FXR2: variants seen among roughly 807,000 people sequenced by gnomAD.
FXR2 encodes FMR1 autosomal homolog 2.
FXR2 carries 9 observed loss-of-function variants against 87.3 expected under a neutral mutation model. The observed-to-expected ratio is 0.10, with a 90% CI of 0.06 to 0.18. The LOEUF (loss-of-function observed/expected upper bound fraction) is 0.18. Among genes scored for constraint, FXR2 ranks in the 10% least tolerant of loss-of-function variants. FXR2 has a pLI of 1.00. For synonymous variants in FXR2, 331 were observed against 328.3 expected, an observed-to-expected ratio of 1.01 and a Z score of -0.09; for missense variants, 661 against 893.6, an observed-to-expected ratio of 0.74 and a Z score of 3.32.
chr17:7,614,253 G>C, intron 1 of FXR2, 199 bp downstream of exon 1: 2 of 685,254 alleles, frequency 2.9e-6, no homozygotes, highest in South Asian at 1.5e-5. Context: ...GCAGGTGCAG[G>C]TGCCTTAGAG....
chr17:7,593,787 C>G lies in FXR2; in HGVS notation c.1107+131G>C. On this transcript the variant is annotated intron_variant, in intron 11 of 16. Transcript: ENST00000250113. This position sits in a 1 kb window ranked among gnomAD's most constrained non-coding sequence, Gnocchi z 6.1. ...AAAATTCTGGGACCCAACCCTATAGCCCCAAATTTCCACAGATGTTTTCTG... is the reference window on the plus strand; with the variant it reads ...AAAATTCTGGGACCCAACCCTATAGGCCCAAATTTCCACAGATGTTTTCTG... 1 of 800,552 alleles carries G rather than the reference C, an allele frequency of 1.2e-6. No homozygotes were observed. The highest frequency in any genetic ancestry group is 2.1e-6 in the Non-Finnish European group (1 of 483,746). 49.6% of individuals were successfully genotyped at this position (800,552 alleles called of 1,614,324 possible). A position where few individuals can be genotyped will look rare whatever the true frequency, so the allele number is the denominator to read the frequency against.
At position 7,614,509 on chromosome 17, in the gene FXR2, C is replaced by G; in HGVS notation, c.24G>C (p.Gly8=). 6.6e-7 allele frequency: 1 copy of G among 1,525,066 alleles called. No homozygotes were observed. Among genetic ancestry groups the G allele is most frequent in the South Asian group, 1.2e-5 (1 of 81,466 alleles). 94.5% of individuals were successfully genotyped at this position (1,525,066 alleles called of 1,614,324 possible). A position where few individuals can be genotyped will look rare whatever the true frequency, so the allele number is the denominator to read the frequency against. The change falls in exon 1 of 17, where the codon GGG becomes GGC. Residue 8 remains glycine (G), a synonymous_variant. Transcript: ENST00000250113. MGGLASG[G]DVEPGLPVEV... is the part of the protein sequence containing the mutation. ...CGACGGGCAGTCCCGGCTCCACATC[C>G]CCCCCAGAGGCCAGGCCGCCCATGG...
Position 7,603,921 on chromosome 17 carries a change from A to G in FXR2, c.301-16T>C, listed in dbSNP as rs2071780642. On this transcript the variant is annotated splice_polypyrimidine_tract_variant and intron_variant, in intron 4 of 16. Coordinates refer to ENST00000250113, the MANE Select transcript of FXR2 (RefSeq NM_004860.4). The stretch of plus-strand genomic sequence containing the variant: ...TGACATAGAACTGGCACATGGTAAA[A>G]AAGGAGAAGTTGTGGATGACCTGAG... The G allele has an allele frequency of 6.2e-7, 1 of 1,613,802 alleles. No homozygotes were observed. Among genetic ancestry groups the G allele is most frequent in the Non-Finnish European group, 8.5e-7 (1 of 1,179,784 alleles).
At position 7,595,553 on chromosome 17, in the gene FXR2, A is replaced by G. The variant is rs559815293; in HGVS notation, c.831+271T>C. ...CCAGGCTCAAGTGATCCTCCCCTCTATCTTCCCATTTCAGCCTCCCAAGTA... is the reference window on the plus strand; with the variant it reads ...CCAGGCTCAAGTGATCCTCCCCTCTGTCTTCCCATTTCAGCCTCCCAAGTA... On this transcript the variant is annotated intron_variant, in intron 8 of 16. Coordinates refer to ENST00000250113, the MANE Select transcript of FXR2 (RefSeq NM_004860.4). The surrounding 1 kb of genome is among the most constrained non-coding windows in gnomAD (Gnocchi z 4.7). Among the ~76,000 whole-genome samples the G allele has an allele frequency of 6.6e-6, 1 of 151,848 alleles. No individual in the cohort carries two copies. The highest frequency in any genetic ancestry group is 2.1e-4 in the South Asian group (1 of 4,816).
intron 1 of FXR2, among the ~76,000 whole-genome samples, chr17:7,609,665 T>C (rs917382152): frequency 2.6e-5 from 4 of 152,144 alleles, no homozygotes; most frequent in African/African-American, 9.6e-5. Context: ...TTACTTCTAC[T>C]TGCCTGGGTC....
At chr17:7,609,009 T>A (rs1016237364) in intron 1 of FXR2, among the ~76,000 whole-genome samples, 2 of 152,164 alleles carry the variant, frequency 1.3e-5, no homozygotes, top group African/African-American at 4.8e-5. Flanking sequence ...TTTAGGAGGC[T>A]AAGGTGGGAG....
Position 7,594,118 on chromosome 17 carries a change from C to G in FXR2, c.1021-114G>C. The stretch of plus-strand genomic sequence containing the variant: ...AGTGGGATCATTCTGGGCTCTAAAT[C>G]TACTAGTGTTAAACAACTTTCCGTA... On this transcript the variant is annotated intron_variant, in intron 10 of 16. Coordinates refer to ENST00000250113, the MANE Select transcript of FXR2 (RefSeq NM_004860.4). The surrounding 1 kb of genome is among the most constrained non-coding windows in gnomAD (Gnocchi z 5.1). 1.1e-6 allele frequency: 1 copy of G among 897,190 alleles called. No homozygotes were observed. The highest frequency in any genetic ancestry group is 2.1e-4 in the Middle Eastern group (1 of 4,674). The allele number at this position is 897,190 out of a possible 1,614,324, so 55.6% of individuals were successfully genotyped here.
At position 7,594,080 on chromosome 17, in the gene FXR2, G is replaced by T; in HGVS notation, c.1021-76C>A. On this transcript the variant is annotated intron_variant, in intron 10 of 16. Transcript: ENST00000250113. This position sits in a 1 kb window ranked among gnomAD's most constrained non-coding sequence, Gnocchi z 5.1. The stretch of plus-strand genomic sequence containing the variant: ...AGGATTAACGCCGCCCAGTCTCCTA[G>T]GGGAGCCTGCCCAGTGGGATCATTC... 9.5e-7 allele frequency: 1 copy of T among 1,048,898 alleles called. No homozygotes were observed. The highest frequency in any genetic ancestry group is 1.3e-5 in the South Asian group (1 of 78,946). The allele number at this position is 1,048,898 out of a possible 1,614,324, so 65.0% of individuals were successfully genotyped here. A position where few individuals can be genotyped will look rare whatever the true frequency, so the allele number is the denominator to read the frequency against.
rs544856177 is a variant in FXR2 at position 7,604,875 on chromosome 17, C to T, written c.228+770G>A. 1.7e-3 allele frequency among the ~76,000 whole-genome samples: 257 copies of T among 151,598 alleles called. 2 individuals are homozygous for T. Among genetic ancestry groups the T allele is most frequent in the African/African-American group, 5.6e-3 (233 of 41,428 alleles). On this transcript the variant is annotated intron_variant, in intron 3 of 16. Coordinates refer to ENST00000250113, the MANE Select transcript of FXR2 (RefSeq NM_004860.4). ...TAGCTGGGATTATAGGCGCCCGCCA[C>T]CACGCCCAGCTAATTTTTTGTATTT...
Position 7,598,014 on chromosome 17 carries a change from G to A in FXR2, c.661-2020C>T, listed in dbSNP as rs573324212. On this transcript the variant is annotated intron_variant, in intron 7 of 16. Transcript: ENST00000250113. ...CCTGTCAGTCCTACTGGTTTTACTCGTAAAATTTATCCTACATAAAACTAC... is the reference window on the plus strand; with the variant it reads ...CCTGTCAGTCCTACTGGTTTTACTCATAAAATTTATCCTACATAAAACTAC... Among the ~76,000 whole-genome samples the A allele has an allele frequency of 2.6e-3, 395 of 151,064 alleles. 3 individuals are homozygous for A. Among genetic ancestry groups the A allele is most frequent in the African/African-American group, 8.9e-3 (367 of 41,070 alleles).
intron 3 of FXR2, among the ~76,000 whole-genome samples, chr17:7,604,902 T>G (rs2150945602): frequency 6.6e-6 from 1 of 151,614 alleles, no homozygotes; most frequent in South Asian, 2.1e-4. Flanking sequence ...TTTGTATTTT[T>G]AGTAGAGATG....
At chr17:7,599,135 C>CA (rs35150877) in intron 7 of FXR2, among the ~76,000 whole-genome samples, 80 of 131,764 alleles carry the variant, frequency 6.1e-4, no homozygotes, top group South Asian at 1.2e-3. Context: ...AAACTGTCTC[C>CA]AAAAAAAAAA....
At chr17:7,609,690 GGTTCTTCCCTTAGCTCCTGCTCAAGT>G (rs1179409279) in intron 1 of FXR2, among the ~76,000 whole-genome samples, 1 of 151,346 alleles carries the variant, frequency 6.6e-6, no homozygotes, top group Non-Finnish European at 1.5e-5. Context: ...TTCCCTTTTG[GGTTCTTCCCTTAGCTCCTGCTCAAGT>G]GTCCTCCCCA....
In FXR2 at chr17:7,593,372, TC is replaced by T; in HGVS notation, c.1330+30del. On this transcript the variant is annotated intron_variant, in intron 12 of 16. Coordinates refer to ENST00000250113, the MANE Select transcript of FXR2 (RefSeq NM_004860.4). The surrounding 1 kb of genome is among the most constrained non-coding windows in gnomAD (Gnocchi z 6.1). Reference sequence around the variant, plus strand: ...TGCCTCTACCCACAAGCCCTGCCACTCCTTGCCTCCTGTTCCCATAACTGTC... The same window carrying T: ...TGCCTCTACCCACAAGCCCTGCCACTCTTGCCTCCTGTTCCCATAACTGTC... 5.3e-6 allele frequency: 8 copies of T among 1,499,648 alleles called. No homozygotes were observed. The highest frequency in any genetic ancestry group is 7.3e-6 in the Non-Finnish European group (8 of 1,100,600). The allele number at this position is 1,499,648 out of a possible 1,614,324, so 92.9% of individuals were successfully genotyped here.
At chr17:7,600,799 G>A (rs1388392005) in intron 7 of FXR2, among the ~76,000 whole-genome samples, 1 of 151,790 alleles carries the variant, frequency 6.6e-6, no homozygotes, top group Admixed American at 6.6e-5. Context: ...CGGGAGAATC[G>A]CTTGAACCCA....
At position 7,593,288 on chromosome 17, in the gene FXR2, A is replaced by C. The variant is rs1461988885; in HGVS notation, c.1331-107T>G. ...CTTCTCACTCACAAGCCTCCCAGCC[A>C]ATCAATCACTTTTTCATCATCTCCA... On this transcript the variant is annotated intron_variant, in intron 12 of 16. Transcript: ENST00000250113. The surrounding 1 kb of genome is among the most constrained non-coding windows in gnomAD (Gnocchi z 6.1). 8.2e-7 allele frequency: 1 copy of C among 1,220,606 alleles called. No individual in the cohort carries two copies. The highest frequency in any genetic ancestry group is 1.5e-5 in the African/African-American group (1 of 66,024). 75.6% of individuals were successfully genotyped at this position (1,220,606 alleles called of 1,614,324 possible). A position where few individuals can be genotyped will look rare whatever the true frequency, so the allele number is the denominator to read the frequency against.
chr17:7,601,368 G>T, intron 7 of FXR2, 41 bp downstream of exon 7: 1 of 1,046,936 alleles, frequency 9.6e-7, no homozygotes, highest in Non-Finnish European at 1.5e-6. Context: ...AAGGGAGGAA[G>T]ACAATACCCT....
chr17:7,600,393 TTCA>T (rs2071744908), intron 7 of FXR2, among the ~76,000 whole-genome samples: 1 of 151,662 alleles, frequency 6.6e-6, no homozygotes, highest in South Asian at 2.1e-4. Flanking sequence ...AAGATGGGGT[TTCA>T]CCAGTCTCGA....
At chr17:7,609,678 T>G (rs1165280011) in intron 1 of FXR2, among the ~76,000 whole-genome samples, 2 of 151,944 alleles carry the variant, frequency 1.3e-5, no homozygotes, top group Non-Finnish European at 2.9e-5. Flanking sequence ...CCTGGGTCTC[T>G]CTTCCCTTTT....
Sources: allele counts gnomAD v4.1 joint callset (sites outside exome capture counted in the v4.1 genomes callset), GRCh38; gene constraint gnomAD v4.1.1; non-coding constraint Gnocchi (gnomAD v3.1); transcripts MANE v1.5; gene names NCBI Gene and HGNC (gene_info 2026-07-23, HGNC 2026-07-21).